Variants in CNPY1 observed in about 807,000 individuals in gnomAD.
CNPY1 encodes the protein protein canopy homolog 1.
Under a neutral mutation model 14.4 loss-of-function variants are expected in CNPY1, and 14 were observed. The ratio of observed to expected loss-of-function variants is 0.97; its 90% CI spans 0.64 to 1.52. The LOEUF (loss-of-function observed/expected upper bound fraction) is 1.52. CNPY1 is among the 40% of genes most tolerant of loss of function. The probability of loss-of-function intolerance (pLI) is 0.00; values close to 1 mark genes in which losing one functional copy is unlikely to be tolerated. For missense variants in CNPY1, 129 were observed against 131.5 expected, an observed-to-expected ratio of 0.98 and a Z score of 0.09; for synonymous variants, 43 against 46.5, an observed-to-expected ratio of 0.92 and a Z score of 0.31.
In CNPY1 at chr7:155,507,511, C is replaced by G. The variant is rs193184871; in HGVS notation, c.304-395G>C. 3.4e-4 allele frequency among the ~76,000 whole-genome samples: 43 copies of G among 125,176 alleles called. 1 individual carries two copies. The highest frequency in any genetic ancestry group is 1.7e-3 in the African/African-American group (43 of 25,026). 82.1% of individuals were successfully genotyped at this position (125,176 alleles called of 152,430 possible). ...AAAAAAAAAAAAAAGAAGACCACAG[C>G]TCCCCGAAATGATTAAACCAGTTTC... is the stretch of plus-strand genomic sequence containing the variant. On this transcript the variant is annotated intron_variant, in intron 3 of 4. Coordinates refer to ENST00000636446, the MANE Select transcript of CNPY1 (RefSeq NM_001393663.1).
At position 155,541,476 on chromosome 7, in the gene CNPY1, A is replaced by T. The variant is rs192718373; in HGVS notation, c.99+4355T>A. On this transcript the variant is annotated intron_variant, in intron 2 of 4. Coordinates refer to ENST00000636446, the MANE Select transcript of CNPY1 (RefSeq NM_001393663.1). ...TGATAACATTGAAGACTTCTGAGCTAGCTTGAGAATGATGTTGATTACAAT... is the reference window on the plus strand; with the variant it reads ...TGATAACATTGAAGACTTCTGAGCTTGCTTGAGAATGATGTTGATTACAAT... Among the ~76,000 whole-genome samples, 3 of 152,336 alleles carry T rather than the reference A, an allele frequency of 2.0e-5. No homozygotes were observed. In the East Asian group the frequency reaches 5.8e-4, roughly 29 times the overall value.
chr7:155,519,641 A>G (rs1796682211), intron 2 of CNPY1, among the ~76,000 whole-genome samples: 2 of 152,178 alleles, frequency 1.3e-5, no homozygotes, highest in South Asian at 4.1e-4. Context: ...GGTGGCAAAA[A>G]AAAAGACTAT....
At chr7:155,505,561 G>A (rs142208813) in intron 4 of CNPY1, among the ~76,000 whole-genome samples, 6 of 152,246 alleles carry the variant, frequency 3.9e-5, no homozygotes, top group Non-Finnish European at 7.4e-5. Context: ...CTTATTATTC[G>A]GGGTGACTAC....
At chr7:155,527,062 T>TTCTTTCTTTCTTTA (rs1257674119) in intron 2 of CNPY1, among the ~76,000 whole-genome samples, 1 of 16,354 alleles carries the variant, frequency 6.1e-5, no homozygotes, top group East Asian at 3.2e-3. Context: ...TTCTTTTTTT[T>TTCTTTCTTTCTTTA]TTTTTTTTTG....
At position 155,536,768 on chromosome 7, in the gene CNPY1, G is replaced by A. The variant is rs772169294; in HGVS notation, c.99+9063C>T. Reference sequence around the variant, plus strand: ...CCCGTGCCAACCCACACTAGACTACGACATGAGCAAGAAGTCAACTCTCAA... The same window carrying A: ...CCCGTGCCAACCCACACTAGACTACAACATGAGCAAGAAGTCAACTCTCAA... On this transcript the variant is annotated intron_variant, in intron 2 of 4. Transcript: ENST00000636446. This position sits in a 1 kb window ranked among gnomAD's most constrained non-coding sequence, Gnocchi z 4.1. 3.3e-5 allele frequency among the ~76,000 whole-genome samples: 5 copies of A among 152,152 alleles called. No individual in the cohort carries two copies. Among genetic ancestry groups the A allele is most frequent in the African/African-American group, 9.7e-5 (4 of 41,428 alleles).
intron 2 of CNPY1, among the ~76,000 whole-genome samples, chr7:155,534,590 G>A (rs1797001153): frequency 6.6e-6 from 1 of 152,222 alleles, no homozygotes; most frequent in Non-Finnish European, 1.5e-5. Context: ...GTCTCAGCCT[G>A]CTCCACTCAC....
chr7:155,520,147 C>T (rs574686740), intron 2 of CNPY1, among the ~76,000 whole-genome samples: 4 of 152,308 alleles, frequency 2.6e-5, no homozygotes, highest in African/African-American at 9.6e-5. Context: ...AAGACAGAGA[C>T]ATCTATAAAA....
At chr7:155,532,914 A>T (rs1796965548) in intron 2 of CNPY1, among the ~76,000 whole-genome samples, 1 of 152,062 alleles carries the variant, frequency 6.6e-6, no homozygotes, top group Admixed American at 6.5e-5. Context: ...GATAAAGTTC[A>T]TCTCATCAGT....
At chr7:155,534,097 G>T (rs1414825575) in intron 2 of CNPY1, among the ~76,000 whole-genome samples, 1 of 152,166 alleles carries the variant, frequency 6.6e-6, no homozygotes, top group Non-Finnish European at 1.5e-5. Context: ...TGCCCTGTAT[G>T]TGCACTGCAG....
At chr7:155,543,759 C>T (rs1797128392) in intron 2 of CNPY1, among the ~76,000 whole-genome samples, 1 of 152,180 alleles carries the variant, frequency 6.6e-6, no homozygotes, top group Non-Finnish European at 1.5e-5. Context: ...ACCATGTTTG[C>T]AGAGAGAAGT....
At chr7:155,535,783 C>G (rs954621393) in intron 2 of CNPY1, among the ~76,000 whole-genome samples, 2 of 152,114 alleles carry the variant, frequency 1.3e-5, no homozygotes, top group Non-Finnish European at 2.9e-5. Context: ...GGATCAGGGT[C>G]GTGTCATTGG....
intron 2 of CNPY1, among the ~76,000 whole-genome samples, chr7:155,545,279 C>T (rs1157294558): frequency 6.6e-6 from 1 of 152,182 alleles, no homozygotes; most frequent in African/African-American, 2.4e-5. Flanking sequence ...CCTAATGGGT[C>T]CCGCCTGGTG....
chr7:155,532,575 C>T (rs916445650), intron 2 of CNPY1, among the ~76,000 whole-genome samples: 2 of 151,430 alleles, frequency 1.3e-5, no homozygotes, highest in Non-Finnish European at 2.9e-5. Context: ...GAGCCGAGAT[C>T]GCGCCACTGC....
intron 2 of CNPY1, among the ~76,000 whole-genome samples, chr7:155,537,416 TTTC>T (rs1460010729): frequency 6.6e-6 from 1 of 150,988 alleles, no homozygotes; most frequent in Non-Finnish European, 1.5e-5. Context: ...TGGAATTTTT[TTTC>T]TTTTCTTTTT....
intron 4 of CNPY1, among the ~76,000 whole-genome samples, chr7:155,504,805 G>T (rs762044883): frequency 6.6e-6 from 1 of 151,934 alleles, no homozygotes; most frequent in African/African-American, 2.4e-5. Context: ...ACAAGGAAAA[G>T]TATCGCCTTC....
chr7:155,534,334 CACAGAGGCACACATGCACACACG>C (rs1304038454), intron 2 of CNPY1, among the ~76,000 whole-genome samples: 10 of 78,978 alleles, frequency 1.3e-4, no homozygotes, highest in Non-Finnish European at 3.2e-4. Context: ...CACACACGTG[CACAGAGGCACACATGCACACACG>C]TGCACACAGG....
rs35244674 is a variant in CNPY1, at chr7:155,503,109, G to GAA, written c.401-6_401-5dup. On this transcript the variant is annotated splice_region_variant and splice_polypyrimidine_tract_variant and intron_variant, in intron 4 of 4. Coordinates refer to ENST00000636446, the MANE Select transcript of CNPY1 (RefSeq NM_001393663.1). ...TTAGCAGAAGTTTCACACAGATCTG[G>GAA]AAAAAAAAAAAAAAGTAGATAGCAT... is the stretch of plus-strand genomic sequence containing the variant. 6.4e-4 allele frequency: 923 copies of GAA among 1,433,082 alleles called. No homozygotes were observed. Among genetic ancestry groups the GAA allele is most frequent in the South Asian group, 1.2e-3 (94 of 80,950 alleles). 88.8% of individuals were successfully genotyped at this position (1,433,082 alleles called of 1,614,324 possible). A position where few individuals can be genotyped will look rare whatever the true frequency, so the allele number is the denominator to read the frequency against.
At chr7:155,533,017 A>G (rs776226606) in intron 2 of CNPY1, among the ~76,000 whole-genome samples, 5 of 152,170 alleles carry the variant, frequency 3.3e-5, no homozygotes, top group Admixed American at 1.3e-4. Context: ...TTAACAACCA[A>G]AAGAATCCCA....
At chr7:155,540,244 G>A (rs1797068465) in intron 2 of CNPY1, among the ~76,000 whole-genome samples, 1 of 152,206 alleles carries the variant, frequency 6.6e-6, no homozygotes, top group Admixed American at 6.5e-5. Context: ...CCAGAATTCT[G>A]AGACAGCTTC....
Sources: gnomAD v4.1 joint callset for allele counts (sites outside exome capture counted in the v4.1 genomes callset) on GRCh38, gnomAD v4.1.1 for gene constraint, Gnocchi (gnomAD v3.1) non-coding constraint, MANE v1.5 for transcripts, NCBI Gene and HGNC (gene_info 2026-07-23, HGNC 2026-07-21) for gene names.